The following MTR variants were observed in gnomAD, a reference collection of about 807,000 sequenced individuals.
MTR encodes 5-methyltetrahydrofolate-homocysteine methyltransferase, also known as methionine synthase.
A neutral mutation model predicts 154.8 loss-of-function variants in MTR; 84 were observed. The ratio of observed to expected loss-of-function variants is 0.54; its 90% CI spans 0.45 to 0.65. The LOEUF is 0.65. Among genes scored for constraint, MTR ranks in the 30% least tolerant of loss-of-function variants. The probability of loss-of-function intolerance (pLI) is 0.00; values close to 1 mark genes in which losing one functional copy is unlikely to be tolerated. For missense variants in MTR, 1,275 were observed against 1,570.2 expected, an observed-to-expected ratio of 0.81 and a Z score of 3.18; for synonymous variants, 554 against 553.9, an observed-to-expected ratio of 1.00 and a Z score of 0.00.
intron 14 of MTR, among the ~76,000 whole-genome samples, chr1:236,836,024 A>G (rs1662885802): frequency 6.6e-6 from 1 of 152,196 alleles, no homozygotes; most frequent in Non-Finnish European, 1.5e-5. Flanking sequence ...ACCATAGGCA[A>G]GGGAACTCAG....
intron 22 of MTR, among the ~76,000 whole-genome samples, chr1:236,868,726 TG>T (rs1302393645): frequency 6.6e-6 from 1 of 152,212 alleles, no homozygotes; most frequent in Non-Finnish European, 1.5e-5. Context: ...TGATAACCAG[TG>T]GTTCTTAATA....
chr1:236,821,138 AC>A (rs1661917791), intron 8 of MTR, among the ~76,000 whole-genome samples: 1 of 152,224 alleles, frequency 6.6e-6, no homozygotes, highest in African/African-American at 2.4e-5. Context: ...GAGGCGGGGA[AC>A]TTCAAGATTG....
At chr1:236,876,953 A>G (rs897555331) in intron 24 of MTR, among the ~76,000 whole-genome samples, 7 of 152,080 alleles carry the variant, frequency 4.6e-5, no homozygotes, top group African/African-American at 1.4e-4. Context: ...GTTTCTTTCA[A>G]CTCTCCAGAG....
chr1:236,860,476 T>G, intron 19 of MTR, among the ~76,000 whole-genome samples: 1 of 152,078 alleles, frequency 6.6e-6, no homozygotes, highest in East Asian at 1.9e-4. Context: ...TATTTCAGTT[T>G]GTGGAGCTAG....
chr1:236,810,262 G>T (rs1404518772), intron 4 of MTR, among the ~76,000 whole-genome samples: 6 of 152,196 alleles, frequency 3.9e-5, no homozygotes, highest in African/African-American at 1.4e-4. Context: ...TATGTAAGCA[G>T]AATCTATGAA....
chr1:236,860,506 T>C (rs901896004), intron 19 of MTR, among the ~76,000 whole-genome samples: 8 of 151,984 alleles, frequency 5.3e-5, no homozygotes, highest in African/African-American at 1.9e-4. Context: ...CCAAGGATCA[T>C]TGAACTGGGG....
intron 8 of MTR, among the ~76,000 whole-genome samples, chr1:236,819,104 A>G (rs1322090318): frequency 6.6e-6 from 1 of 152,200 alleles, no homozygotes; most frequent in African/African-American, 2.4e-5. Context: ...ACCAATATCA[A>G]TACATTATTA....
At chr1:236,805,304 T>G (rs941643293) in intron 2 of MTR, among the ~76,000 whole-genome samples, 2 of 151,814 alleles carry the variant, frequency 1.3e-5, no homozygotes, top group Non-Finnish European at 2.9e-5. Context: ...AGGGATGTGA[T>G]GCTTGTTCAG....
At chr1:236,859,251 T>C (rs1197862552) in intron 18 of MTR, among the ~76,000 whole-genome samples, 1 of 152,248 alleles carries the variant, frequency 6.6e-6, no homozygotes, top group African/African-American at 2.4e-5. Context: ...GCCAGAGAGA[T>C]AGCAAACCTG....
In MTR at chr1:236,888,144, G is replaced by A. The variant is rs187284868; in HGVS notation, c.2852-1037G>A. The stretch of plus-strand genomic sequence containing the variant: ...CAAATGAGAGAAAAATACTCTAGAA[G>A]CTTCTGTGTTCTCCCAGAGCCCCTG... On this transcript the variant is annotated intron_variant, in intron 27 of 32. Transcript: ENST00000366577. 2.2e-3 allele frequency among the ~76,000 whole-genome samples: 330 copies of A among 152,296 alleles called. 5 individuals carry two copies. The highest frequency in any genetic ancestry group is 0.017 in the Admixed American group (266 of 15,296).
intron 25 of MTR, among the ~76,000 whole-genome samples, chr1:236,882,449 G>T (rs1246341347): frequency 1.3e-5 from 2 of 151,198 alleles, no homozygotes; most frequent in East Asian, 3.9e-4. Flanking sequence ...GAGGTGCAGT[G>T]GCTCGATCTC....
intron 28 of MTR, among the ~76,000 whole-genome samples, chr1:236,890,770 G>C (rs1246777309): frequency 6.6e-6 from 1 of 152,220 alleles, no homozygotes; most frequent in Non-Finnish European, 1.5e-5. Flanking sequence ...TCACTGCAAA[G>C]TCAGTGGAGT....
chr1:236,856,707 GTA>G (rs771303931), intron 18 of MTR, among the ~76,000 whole-genome samples: 4 of 151,906 alleles, frequency 2.6e-5, no homozygotes, highest in African/African-American at 4.8e-5. Context: ...ACAGGCCCTG[GTA>G]TGTGATGTTC....
chr1:236,835,891 C>A (rs943982098), intron 14 of MTR, among the ~76,000 whole-genome samples: 1 of 152,100 alleles, frequency 6.6e-6, no homozygotes, highest in African/African-American at 2.4e-5. Flanking sequence ...ACAGCTGTGG[C>A]TTCAGCCTGG....
At chr1:236,894,281 T>A in intron 29 of MTR, 76 bp from the exon 30 acceptor site, 1 of 1,392,874 alleles carries the variant, frequency 7.2e-7, no homozygotes, top group Non-Finnish European at 1.0e-6. Flanking sequence ...CGATACCCGA[T>A]TGCTCTTCAT....
intron 6 of MTR, among the ~76,000 whole-genome samples, chr1:236,814,350 G>A (rs1210379367): frequency 6.6e-6 from 1 of 152,178 alleles, no homozygotes; most frequent in Non-Finnish European, 1.5e-5. Context: ...TCTGGAGAGA[G>A]TCACGGTATT....
chr1:236,837,854 T>C (rs181113458), intron 14 of MTR, among the ~76,000 whole-genome samples: 1 of 152,258 alleles, frequency 6.6e-6, no homozygotes, highest in Admixed American at 6.5e-5. Context: ...AAAAGGAACC[T>C]ATTCTCAACT....
In MTR at chr1:236,848,177, C is replaced by A. The variant is rs551924607; in HGVS notation, c.1516-2167C>A. 3.3e-5 allele frequency among the ~76,000 whole-genome samples: 5 copies of A among 152,266 alleles called. No homozygotes were observed. In the East Asian group the frequency reaches 9.7e-4, roughly 29 times the overall value. On this transcript the variant is annotated intron_variant, in intron 15 of 32. Coordinates refer to ENST00000366577, the MANE Select transcript of MTR (RefSeq NM_000254.3). ...CTGTTTTGGTTCTAGAAATGAATTC[C>A]TGTCCTGTGAGGATGCACCTGCTTG...
At position 236,873,838 on chromosome 1, in the gene MTR, C is replaced by G; in HGVS notation, c.2471C>G (p.Ala824Gly). The change falls in exon 23 of 33, where the codon GCA becomes GGA. Residue 824 changes from alanine to glycine, a missense_variant and splice_region_variant. Ala to Gly is a moderately conservative substitution (Grantham distance 60, BLOSUM62 0). Coordinates refer to ENST00000366577, the MANE Select transcript of MTR (RefSeq NM_000254.3). ...CTGAAAGCTGCTCTTGACCACAAAG[C>G]AGGTACTGTGCAACTATACTTTGGG... ...KILKAALDHK[A>G]DIIGLSGLIT... The G allele has an allele frequency of 6.2e-7, 1 of 1,613,740 alleles. No individual in the cohort carries two copies. Among genetic ancestry groups the G allele is most frequent in the Non-Finnish European group, 8.5e-7 (1 of 1,179,658 alleles).
Sources: allele counts gnomAD v4.1 joint callset (sites outside exome capture counted in the v4.1 genomes callset), GRCh38; gene constraint gnomAD v4.1.1; transcripts MANE v1.5; gene names NCBI Gene and HGNC (gene_info 2026-07-23, HGNC 2026-07-21).